Variants in NIPBL observed in about 807,000 individuals in gnomAD.
NIPBL encodes the protein nipped-B-like protein.
A neutral mutation model predicts 321.8 loss-of-function variants in NIPBL; 19 were observed. The observed-to-expected ratio is 0.06, with a 90% confidence interval of 0.04 to 0.09. The LOEUF is 0.09. Among genes scored for constraint, NIPBL ranks in the 10% least tolerant of loss-of-function variants. The pLI is 1.00. For missense variants in NIPBL, 2,210 were observed against 3,327.0 expected, an observed-to-expected ratio of 0.66 and a Z score of 8.26; for synonymous variants, 1,106 against 1,114.1, an observed-to-expected ratio of 0.99 and a Z score of 0.14.
At position 37,020,636 on chromosome 5, in the gene NIPBL, A is replaced by G. The variant is rs745372802; in HGVS notation, c.5188A>G (p.Ile1730Val). The G allele has an allele frequency of 3.7e-6, 6 of 1,614,170 alleles. No homozygotes were observed. In the East Asian group the frequency reaches 1.3e-4, roughly 36 times the overall value. Residue 1730 changes from isoleucine (I) to valine (V), a missense_variant, in exon 26 of 47, where the codon ATT becomes GTT. Ile to Val is a conservative substitution (Grantham distance 29). This residue lies in a region of NIPBL where 138 missense variants were observed against 175.8 expected (regional missense o/e 0.79). Transcript: ENST00000282516. ...AAACCGAAAAAAGTTTCTTAGAAGC[A>G]TTATCAAAACCACACCTTCTCAGTT... ...AENRKKFLRS[I>V]IKTTPSQFST...
At chr5:36,901,796 A>G (rs955811782) in intron 1 of NIPBL, among the ~76,000 whole-genome samples, 4 of 152,138 alleles carry the variant, frequency 2.6e-5, no homozygotes, top group African/African-American at 9.7e-5. Flanking sequence ...GGGGTGAGCC[A>G]CTGCACCCAG....
chr5:37,034,587 A>T (rs1751479908), intron 32 of NIPBL, among the ~76,000 whole-genome samples: 1 of 152,236 alleles, frequency 6.6e-6, no homozygotes, highest in Admixed American at 6.5e-5. Context: ...TCATAGTGGC[A>T]TAATGATGAG....
At chr5:36,962,018 C>T (rs1741681221) in intron 5 of NIPBL, 105 bp from the exon 6 acceptor site, 8 of 1,248,184 alleles carry the variant, frequency 6.4e-6, no homozygotes, top group African/African-American at 1.5e-5. Context: ...ATAGATTTTA[C>T]ATATATAAAC....
intron 1 of NIPBL, among the ~76,000 whole-genome samples, chr5:36,942,432 TAAAA>T (rs33935189): frequency 5.0e-5 from 3 of 59,792 alleles, no homozygotes; most frequent in Non-Finnish European, 2.8e-5. Flanking sequence ...ACTCTGTCTT[TAAAA>T]AAAAAAAAAA....
intron 24 of NIPBL, 61 bp from the exon 25 acceptor site, chr5:37,019,250 A>C (rs1215328392): frequency 1.9e-6 from 2 of 1,041,400 alleles, no homozygotes; most frequent in Non-Finnish European, 3.0e-6. Context: ...GTTTACAATT[A>C]GGTGATTTAT....
chr5:36,886,394 A>G, intron 1 of NIPBL: 1 of 732,044 alleles, frequency 1.4e-6, no homozygotes, highest in Non-Finnish European at 2.5e-6. Flanking sequence ...GATGCCCTGG[A>G]CAGCAGCAAC....
chr5:37,022,579 C>CAA (rs1218750465), intron 29 of NIPBL, among the ~76,000 whole-genome samples, 189 bp downstream of exon 29: 1 of 152,150 alleles, frequency 6.6e-6, no homozygotes. Context: ...TATCATAAAA[C>CAA]AAATCATTGG....
At chr5:36,986,703 T>C (rs146643612) in intron 10 of NIPBL, among the ~76,000 whole-genome samples, 3 of 152,332 alleles carry the variant, frequency 2.0e-5, no homozygotes, top group East Asian at 1.9e-4. Flanking sequence ...GAGCCAATTA[T>C]TGATGAATAA....
At chr5:37,014,053 C>T (rs1292883492) in intron 21 of NIPBL, among the ~76,000 whole-genome samples, 6 of 152,342 alleles carry the variant, frequency 3.9e-5, no homozygotes, top group African/African-American at 9.6e-5. Flanking sequence ...CAAAAAAATA[C>T]GAAAACCAGT....
chr5:37,034,646 G>C (rs1180746871), intron 32 of NIPBL, among the ~76,000 whole-genome samples: 1 of 152,094 alleles, frequency 6.6e-6, no homozygotes, highest in African/African-American at 2.4e-5. Context: ...TACCTTTTTA[G>C]AAAGTGGAAA....
intron 10 of NIPBL, among the ~76,000 whole-genome samples, chr5:36,987,585 G>A (rs1435967177): frequency 1.3e-5 from 2 of 152,176 alleles, no homozygotes; most frequent in South Asian, 2.1e-4. Flanking sequence ...TTCAAAGAAT[G>A]ACTTGTGGCT....
chr5:36,989,704 G>GGCCT (rs1310979638), intron 10 of NIPBL, among the ~76,000 whole-genome samples: 1 of 151,874 alleles, frequency 6.6e-6, no homozygotes, highest in African/African-American at 2.4e-5. Context: ...TAGGCACTGT[G>GGCCT]GCAGGCACTT....
chr5:36,881,286 C>G (rs889524710), intron 1 of NIPBL, among the ~76,000 whole-genome samples: 18 of 146,962 alleles, frequency 1.2e-4, no homozygotes, highest in Non-Finnish European at 2.3e-4. Flanking sequence ...AGGTATTTGT[C>G]TTGTGTGTAA....
intron 21 of NIPBL, among the ~76,000 whole-genome samples, chr5:37,012,855 A>G (rs1175279462): frequency 6.6e-6 from 1 of 152,106 alleles, no homozygotes; most frequent in Non-Finnish European, 1.5e-5. Context: ...AAAGTCTCCC[A>G]TGTCTACCTC....
At chr5:36,959,613 A>G (rs990377641) in intron 4 of NIPBL, among the ~76,000 whole-genome samples, 5 of 152,204 alleles carry the variant, frequency 3.3e-5, no homozygotes, top group Non-Finnish European at 7.4e-5. Context: ...AAGAAAGACT[A>G]ATAGAGTAGG....
chr5:36,995,581 C>A, intron 10 of NIPBL, 41 bp from the exon 11 acceptor site: 2 of 1,474,020 alleles, frequency 1.4e-6, no homozygotes, highest in Non-Finnish European at 1.9e-6. Flanking sequence ...CTTTTATCTT[C>A]AGATTTACAT....
chr5:37,051,693 C>T, intron 40 of NIPBL, 86 bp from the exon 41 acceptor site: 2 of 856,182 alleles, frequency 2.3e-6, no homozygotes, highest in Non-Finnish European at 3.9e-6. Flanking sequence ...ATTCATATAT[C>T]TCAGATATAT....
At chr5:36,882,211 G>A (rs1745557692) in intron 1 of NIPBL, among the ~76,000 whole-genome samples, 1 of 151,770 alleles carries the variant, frequency 6.6e-6, no homozygotes, top group African/African-American at 2.4e-5. Flanking sequence ...TTATTTTCTG[G>A]GGTGAATTTG....
chr5:37,019,635 T>C (rs913832171), intron 25 of NIPBL, among the ~76,000 whole-genome samples: 2 of 152,322 alleles, frequency 1.3e-5, no homozygotes, highest in East Asian at 1.9e-4. Context: ...AAGAGAAATA[T>C]TTGGAAGTCT....
Sources: allele counts gnomAD v4.1 joint callset (sites outside exome capture counted in the v4.1 genomes callset), GRCh38; gene constraint gnomAD v4.1.1; regional missense constraint gnomAD v4.1.1; transcripts MANE v1.5; gene names NCBI Gene and HGNC (gene_info 2026-07-23, HGNC 2026-07-21).